Variants in ARL15 observed in about 807,000 individuals in gnomAD.
The protein encoded by ARL15 is ADP-ribosylation factor-like protein 15.
In ARL15, 19 loss-of-function variants were observed where a neutral mutation model predicts 25.2. That is an observed-to-expected ratio of 0.75 (90% CI 0.53 to 1.10). The LOEUF (loss-of-function observed/expected upper bound fraction) is 1.10, where lower values mean the gene tolerates loss of function less well. ARL15 is among the 50% of genes least tolerant of loss of function. The probability of loss-of-function intolerance (pLI) is 0.00; values close to 1 mark genes in which losing one functional copy is unlikely to be tolerated. For missense variants in ARL15, 220 were observed against 246.0 expected (o/e 0.89, Z 0.71); for synonymous variants, 94 against 86.8 (o/e 1.08, Z -0.46).
intron 4 of ARL15, among the ~76,000 whole-genome samples, chr5:54,018,554 T>C (rs760383774): frequency 6.6e-6 from 1 of 152,238 alleles, no homozygotes; most frequent in Non-Finnish European, 1.5e-5. Context: ...GCTGAGTGCA[T>C]ATGAATGCAC....
intron 4 of ARL15, among the ~76,000 whole-genome samples, chr5:53,972,241 T>C (rs964452312): frequency 3.3e-5 from 5 of 152,212 alleles, no homozygotes; most frequent in Admixed American, 6.5e-5. Flanking sequence ...CTTCATACTT[T>C]TAAATTTCCC....
At chr5:54,212,585 T>G (rs1389611911) in intron 1 of ARL15, among the ~76,000 whole-genome samples, 1 of 152,246 alleles carries the variant, frequency 6.6e-6, no homozygotes, top group African/African-American at 2.4e-5. Flanking sequence ...GACACATTGC[T>G]GCCTCAGACC....
chr5:53,935,988 A>G (rs536071404), intron 4 of ARL15, among the ~76,000 whole-genome samples: 1 of 152,086 alleles, frequency 6.6e-6, no homozygotes, highest in Non-Finnish European at 1.5e-5. Flanking sequence ...ACCTCAGGTG[A>G]TCCACCTGCC....
rs146198707 is a variant in ARL15, at chr5:54,119,019, T to C, written c.254-5609A>G. 3.1e-3 allele frequency among the ~76,000 whole-genome samples: 466 copies of C among 152,252 alleles called. 2 individuals are homozygous for C. Among genetic ancestry groups the C allele is most frequent in the Admixed American group, 8.4e-3 (129 of 15,288 alleles). On this transcript the variant is annotated intron_variant, in intron 3 of 4. Coordinates refer to ENST00000504924, the MANE Select transcript of ARL15 (RefSeq NM_019087.3). Reference sequence around the variant, plus strand: ...ATCTTAGATGTCAATTCCTAACAATTGCATTGAGGACCATGTCTGCATTCT... The same window carrying C: ...ATCTTAGATGTCAATTCCTAACAATCGCATTGAGGACCATGTCTGCATTCT...
At chr5:53,897,083 C>A (rs761891835) in intron 4 of ARL15, among the ~76,000 whole-genome samples, 1 of 152,118 alleles carries the variant, frequency 6.6e-6, no homozygotes, top group Non-Finnish European at 1.5e-5. Flanking sequence ...ATTCCATTTT[C>A]TTTTACTGAT....
intron 4 of ARL15, among the ~76,000 whole-genome samples, chr5:53,984,453 G>C (rs1222322881): frequency 6.6e-6 from 1 of 151,884 alleles, no homozygotes; most frequent in Non-Finnish European, 1.5e-5. Context: ...GTTCTGGAGA[G>C]TTACTCAATT....
chr5:54,202,367 A>G (rs539021007), intron 1 of ARL15, among the ~76,000 whole-genome samples: 18 of 152,310 alleles, frequency 1.2e-4, no homozygotes. Flanking sequence ...TGTAATCACA[A>G]TTGTCCTTAA....
intron 1 of ARL15, among the ~76,000 whole-genome samples, chr5:54,209,477 A>G (rs1471189171): frequency 6.6e-6 from 1 of 152,168 alleles, no homozygotes; most frequent in East Asian, 1.9e-4. Flanking sequence ...TAAGTTCTAT[A>G]AGATTATTTG....
At chr5:54,085,126 C>T (rs1751925527) in intron 4 of ARL15, among the ~76,000 whole-genome samples, 1 of 152,170 alleles carries the variant, frequency 6.6e-6, no homozygotes, top group Non-Finnish European at 1.5e-5. Context: ...TGAAATGACA[C>T]TGCTACCATG....
chr5:54,249,279 G>A (rs1353851980), intron 1 of ARL15, among the ~76,000 whole-genome samples: 1 of 152,040 alleles, frequency 6.6e-6, no homozygotes, highest in Non-Finnish European at 1.5e-5. Context: ...AGTTGCAGTT[G>A]GCTAAAAAAA....
chr5:54,304,870 G>T (rs755134734), intron 1 of ARL15, among the ~76,000 whole-genome samples: 19 of 151,834 alleles, frequency 1.3e-4, no homozygotes, highest in Non-Finnish European at 2.5e-4. Context: ...CAATAAAGAA[G>T]TTCAGTTCAC....
chr5:54,103,916 T>C (rs1752513081), intron 4 of ARL15, among the ~76,000 whole-genome samples: 1 of 152,208 alleles, frequency 6.6e-6, no homozygotes, highest in Non-Finnish European at 1.5e-5. Flanking sequence ...ACCAGCTTTC[T>C]TACCTGTTTT....
chr5:54,309,702 T>C (rs1215603953), intron 1 of ARL15, among the ~76,000 whole-genome samples: 1 of 152,160 alleles, frequency 6.6e-6, no homozygotes, highest in Non-Finnish European at 1.5e-5. Context: ...CAAAGACACA[T>C]AGAAGTCCAT....
intron 1 of ARL15, among the ~76,000 whole-genome samples, chr5:54,248,990 C>G (rs911728082): frequency 6.6e-6 from 1 of 151,956 alleles, no homozygotes; most frequent in Non-Finnish European, 1.5e-5. Context: ...ATCAGTTGAG[C>G]CCAGGAGTTT....
At chr5:53,903,271 G>A (rs1346131074) in intron 4 of ARL15, among the ~76,000 whole-genome samples, 3 of 152,276 alleles carry the variant, frequency 2.0e-5, no homozygotes, top group South Asian at 2.1e-4. Flanking sequence ...GCCTTGGGTC[G>A]TAATTGTCAT....
At chr5:54,110,928 A>C (rs1358325060) in intron 4 of ARL15, among the ~76,000 whole-genome samples, 2 of 152,054 alleles carry the variant, frequency 1.3e-5, no homozygotes, top group Non-Finnish European at 1.5e-5. Context: ...AAGGCATTTT[A>C]ATACAGTACA....
Position 53,948,127 on chromosome 5 carries a change from CA to C in ARL15, c.463-61415del, listed in dbSNP as rs1561161296. On this transcript the variant is annotated intron_variant, in intron 4 of 4. Coordinates refer to ENST00000504924, the MANE Select transcript of ARL15 (RefSeq NM_019087.3). ...GCACAGGTAAAAAATAGTGACATAG[CA>C]AAAACCCTTGGAAACTTGAGATAAT... Among the ~76,000 whole-genome samples the C allele has an allele frequency of 3.9e-5, 6 of 152,214 alleles. No individual in the cohort carries two copies. In the South Asian group the frequency reaches 1.2e-3, roughly 32 times the overall value.
At chr5:54,106,585 A>C (rs1047393429) in intron 4 of ARL15, among the ~76,000 whole-genome samples, 10 of 152,166 alleles carry the variant, frequency 6.6e-5, no homozygotes, top group South Asian at 2.1e-4. Context: ...GATTACTTAT[A>C]ATACCTAATA....
At chr5:54,009,105 C>T (rs1749144507) in intron 4 of ARL15, among the ~76,000 whole-genome samples, 2 of 152,126 alleles carry the variant, frequency 1.3e-5, no homozygotes, top group African/African-American at 4.8e-5. Flanking sequence ...ACAAAAGGTG[C>T]TTCATATTAT....
Sources: gnomAD v4.1 joint callset for allele counts (sites outside exome capture counted in the v4.1 genomes callset) on GRCh38, gnomAD v4.1.1 for gene constraint, MANE v1.5 for transcripts, NCBI Gene and HGNC (gene_info 2026-07-23, HGNC 2026-07-21) for gene names.